The following PPM1K variants were observed in gnomAD, a reference collection of about 807,000 sequenced individuals.
The protein encoded by PPM1K is protein phosphatase, Mg2+/Mn2+ dependent 1K.
A neutral mutation model predicts 32.6 loss-of-function variants in PPM1K; 19 were observed. The observed-to-expected ratio is 0.58, with a 90% CI of 0.41 to 0.86. The LOEUF is 0.86. PPM1K is among the 40% of genes least tolerant of loss of function. The probability of loss-of-function intolerance (pLI) is 0.00; values close to 1 mark genes in which losing one functional copy is unlikely to be tolerated. For synonymous variants in PPM1K, 159 were observed against 165.3 expected (o/e 0.96, Z 0.29); for missense variants, 362 against 461.2 (o/e 0.78, Z 1.97).
At chr4:88,270,456 G>A (rs1267119382) in intron 3 of PPM1K, among the ~76,000 whole-genome samples, 1 of 151,992 alleles carries the variant, frequency 6.6e-6, no homozygotes, top group African/African-American at 2.4e-5. Context: ...TTTAGCATAA[G>A]TATCAGTGAT....
intron 6 of PPM1K, 29 bp downstream of exon 6, chr4:88,264,972 G>C: frequency 1.2e-6 from 2 of 1,611,922 alleles, no homozygotes; most frequent in Non-Finnish European, 1.7e-6. Flanking sequence ...CTTCTCCTTG[G>C]GACTTTTCAG....
chr4:88,267,139 T>C (rs1323541131), intron 5 of PPM1K, among the ~76,000 whole-genome samples: 1 of 145,520 alleles, frequency 6.9e-6, no homozygotes, highest in Non-Finnish European at 1.5e-5. Flanking sequence ...TGGGTGCGGG[T>C]GATGCTGGCT....
rs1221527325 is a variant in PPM1K at position 88,278,273 on chromosome 4, C to T, written c.311G>A (p.Arg104Gln). Residue 104 changes from arginine (R) to glutamine (Q), a missense_variant, in exon 2 of 7, where the codon CGG becomes CAG. Coordinates refer to ENST00000608933, the MANE Select transcript of PPM1K (RefSeq NM_152542.5). The surrounding 1 kb of genome is among the most constrained non-coding windows in gnomAD (Gnocchi z 4.2). The part of the protein sequence containing the change: ...NVGCASQIGK[R>Q]KENEDRFDFA... Reference sequence around the variant, plus strand: ...GTCAAACCGATCTTCATTCTCTTTCCGTTTGCCAATCTGTGAGGCGCACCC... The same window carrying T: ...GTCAAACCGATCTTCATTCTCTTTCTGTTTGCCAATCTGTGAGGCGCACCC... 3 of 1,614,188 alleles carry T rather than the reference C, an allele frequency of 1.9e-6. No individual in the cohort carries two copies. Among genetic ancestry groups the T allele is most frequent in the East Asian group, 2.2e-5 (1 of 44,890 alleles).
At chr4:88,276,117 A>G in intron 3 of PPM1K, 1 of 985,406 alleles carries the variant, frequency 1.0e-6, no homozygotes, top group Middle Eastern at 5.2e-4. Context: ...GAGAAGAGAG[A>G]TAATGCTGGT....
rs968277987 is a variant in PPM1K at position 88,278,712 on chromosome 4, CAG to C, written c.-59-72_-59-71del. 6.4e-4 allele frequency: 441 copies of C among 687,884 alleles called. No individual in the cohort carries two copies. The highest frequency in any genetic ancestry group is 1.0e-3 in the South Asian group (52 of 50,344). The allele number at this position is 687,884 out of a possible 1,614,324, so 42.6% of individuals were successfully genotyped here. A position where few individuals can be genotyped will look rare whatever the true frequency, so the allele number is the denominator to read the frequency against. ...GGGCAGAGGAGGAGAGGGAGAGAGACAGAGAGAGAGAGACCATCAGAAATTTT... is the reference window on the plus strand; with the variant it reads ...GGGCAGAGGAGGAGAGGGAGAGAGACAGAGAGAGAGACCATCAGAAATTTT... On this transcript the variant is annotated intron_variant, in intron 1 of 6. Transcript: ENST00000608933. This position sits in a 1 kb window ranked among gnomAD's most constrained non-coding sequence, Gnocchi z 4.2.
intron 3 of PPM1K, among the ~76,000 whole-genome samples, chr4:88,269,411 T>C (rs1389484598): frequency 1.3e-5 from 2 of 152,234 alleles, no homozygotes; most frequent in Non-Finnish European, 2.9e-5. Context: ...GTAGGCTAAG[T>C]GAGACATGCC....
intron 5 of PPM1K, among the ~76,000 whole-genome samples, chr4:88,267,905 T>C (rs1731400481): frequency 6.6e-6 from 1 of 152,210 alleles, no homozygotes; most frequent in Non-Finnish European, 1.5e-5. Flanking sequence ...AAATGTCTGC[T>C]TGTTTGTTTG....
At chr4:88,283,506 A>G (rs1399234670) in intron 1 of PPM1K, among the ~76,000 whole-genome samples, 1 of 152,258 alleles carries the variant, frequency 6.6e-6, no homozygotes, top group African/African-American at 2.4e-5. Flanking sequence ...AGAACCGATG[A>G]GGCCTTGCTG....
At chr4:88,266,738 G>A (rs963680481) in intron 5 of PPM1K, among the ~76,000 whole-genome samples, 10 of 151,044 alleles carry the variant, frequency 6.6e-5, no homozygotes, top group African/African-American at 2.4e-4. Context: ...TTGGGTGCAG[G>A]TGATGCTGGC....
rs1244413370 is a variant in PPM1K at position 88,261,691 on chromosome 4, TTTC to T, written c.*901_*903del. The T allele has an allele frequency of 1.3e-5, 2 of 150,802 alleles. No individual in the cohort carries two copies. Among genetic ancestry groups the T allele is most frequent in the East Asian group, 3.9e-4 (2 of 5,174 alleles). 9.3% of individuals were successfully genotyped at this position (150,802 alleles called of 1,614,324 possible). On this transcript the variant is annotated 3_prime_UTR_variant, in exon 7 of 7. Transcript: ENST00000608933. ...ACATCATCTGAATTAATTTCTTTTC[TTTC>T]TTTTTTTTTTTTTTTTTGAGATGGA...
At chr4:88,262,844 T>G in intron 6 of PPM1K, 118 bp from the exon 7 acceptor site, 1 of 1,086,570 alleles carries the variant, frequency 9.2e-7, no homozygotes. Context: ...ACTGGTCTTA[T>G]GTGCAGTTAC....
chr4:88,262,652 G>A lies in PPM1K; in HGVS notation c.1062C>T (p.Asn354=). Residue 354 remains asparagine (N), a synonymous_variant, in exon 7 of 7, where the codon AAC becomes AAT. Transcript: ENST00000608933. The stretch of plus-strand genomic sequence containing the variant: ...TGCTGAATGAGAAGTTGATTTCAGA[G>A]TTCTTATATTTTCCCCAGGCACCAA... ...VPFGAWGKYK[N]SEINFSFSRS... 6.2e-7 allele frequency: 1 copy of A among 1,614,054 alleles called. No homozygotes were observed. The highest frequency in any genetic ancestry group is 8.5e-7 in the Non-Finnish European group (1 of 1,179,978).
rs1472142454 is a variant in PPM1K at position 88,258,148 on chromosome 4, T to C, written c.*4447A>G. 1 of 152,180 alleles carries C rather than the reference T, an allele frequency of 6.6e-6. No individual in the cohort carries two copies. Among genetic ancestry groups the C allele is most frequent in the Non-Finnish European group, 1.5e-5 (1 of 68,034 alleles). The allele number at this position is 152,180 out of a possible 1,614,324, so 9.4% of individuals were successfully genotyped here. A position where few individuals can be genotyped will look rare whatever the true frequency, so the allele number is the denominator to read the frequency against. ...CCCAACAAAATTCTCATGTCACTTT[T>C]TACAGACATGGGTATATGAGAACCA... On this transcript the variant is annotated 3_prime_UTR_variant, in exon 7 of 7. Transcript: ENST00000608933.
At chr4:88,273,695 GA>G (rs1731652262) in intron 3 of PPM1K, among the ~76,000 whole-genome samples, 1 of 147,866 alleles carries the variant, frequency 6.8e-6, no homozygotes, top group African/African-American at 2.5e-5. Context: ...AAAAAAAAAA[GA>G]AAAAGAAAAG....
At chr4:88,283,273 G>A (rs1163270308) in intron 1 of PPM1K, among the ~76,000 whole-genome samples, 12 of 152,170 alleles carry the variant, frequency 7.9e-5, no homozygotes, top group African/African-American at 2.4e-4. Context: ...CACCACGCCC[G>A]GGTAATTTTT....
intron 3 of PPM1K, chr4:88,274,776 A>C (rs996733276): frequency 6.5e-6 from 1 of 152,850 alleles, no homozygotes; most frequent in Non-Finnish European, 1.5e-5. Context: ...ATGGCATTCT[A>C]TCTTTAGTGG....
At chr4:88,265,243 G>T in intron 5 of PPM1K, 108 bp from the exon 6 acceptor site, 1 of 1,265,276 alleles carries the variant, frequency 7.9e-7, no homozygotes, top group Non-Finnish European at 1.1e-6. Context: ...CTGTGTAACA[G>T]CTTGTAAGCT....
At chr4:88,283,531 G>A (rs1164901297) in intron 1 of PPM1K, among the ~76,000 whole-genome samples, 2 of 152,232 alleles carry the variant, frequency 1.3e-5, no homozygotes, top group Admixed American at 6.5e-5. Flanking sequence ...TTAGCAGTGG[G>A]AGGCTCAGAA....
In PPM1K at chr4:88,260,960, GAAAAT is replaced by G. The variant is rs2110150804; in HGVS notation, c.*1630_*1634del. On this transcript the variant is annotated 3_prime_UTR_variant, in exon 7 of 7. Transcript: ENST00000608933. ...GATAATCACTGGGTCTCCACTATAAGAAAATTGCCCCTAGTTTGTCAAGAGTCCTT... is the reference window on the plus strand; with the variant it reads ...GATAATCACTGGGTCTCCACTATAAGTGCCCCTAGTTTGTCAAGAGTCCTT... 1 of 152,172 alleles carries G rather than the reference GAAAAT, an allele frequency of 6.6e-6. No individual in the cohort carries two copies. The highest frequency in any genetic ancestry group is 2.1e-4 in the South Asian group (1 of 4,818). 9.4% of individuals were successfully genotyped at this position (152,172 alleles called of 1,614,324 possible).
Sources: allele counts gnomAD v4.1 joint callset (sites outside exome capture counted in the v4.1 genomes callset), GRCh38; gene constraint gnomAD v4.1.1; non-coding constraint Gnocchi (gnomAD v3.1); transcripts MANE v1.5; gene names NCBI Gene and HGNC (gene_info 2026-07-23, HGNC 2026-07-21).